COL28A1: variants seen among roughly 807,000 people sequenced by gnomAD.
COL28A1 encodes collagen type XXVIII alpha 1 chain, also known as collagen alpha-1(XXVIII) chain.
A neutral mutation model predicts 150.2 loss-of-function variants in COL28A1; 161 were observed. The observed-to-expected ratio is 1.07, with a 90% confidence interval of 0.94 to 1.22. The LOEUF is 1.22. Among genes scored for constraint, COL28A1 ranks in the 50% most tolerant of loss-of-function variants. COL28A1 has a pLI of 0.00. For missense variants in COL28A1, 1,617 were observed against 1,388.3 expected, an observed-to-expected ratio of 1.16 and a Z score of -2.62; for synonymous variants, 552 against 469.7, an observed-to-expected ratio of 1.18 and a Z score of -2.26.
chr7:7,342,204 T>C, the COL28A1 span, among the ~76,000 whole-genome samples: 1 of 152,122 alleles, frequency 6.6e-6, no homozygotes, highest in African/African-American at 2.4e-5. Context: ...CTATCTCCAA[T>C]AATGCTCTTT....
rs1335179111 is a variant in COL28A1 at position 7,448,394 on chromosome 7, C to T, written c.1510-3905G>A. On this transcript the variant is annotated intron_variant, in intron 18 of 34. Coordinates refer to ENST00000399429, the MANE Select transcript of COL28A1 (RefSeq NM_001037763.3). ...TGCAAGTGAGAAGACAATAGAACAA[C>T]ATCTTAAAAGTACTAAAAGGAAGAA... Among the ~76,000 whole-genome samples the T allele has an allele frequency of 2.6e-5, 4 of 151,880 alleles. 1 individual carries two copies. In the South Asian group the frequency reaches 6.2e-4, roughly 24 times the overall value.
At chr7:7,473,838 A>G (rs978676778) in intron 15 of COL28A1, among the ~76,000 whole-genome samples, 3 of 151,506 alleles carry the variant, frequency 2.0e-5, no homozygotes, top group African/African-American at 7.3e-5. Flanking sequence ...TATATATTAC[A>G]GTGTGTGTGT....
At chr7:7,521,125 C>T (rs574019836) in intron 5 of COL28A1, among the ~76,000 whole-genome samples, 68 of 152,268 alleles carry the variant, frequency 4.5e-4, no homozygotes, top group African/African-American at 1.6e-3. Context: ...TGAGATTCTC[C>T]ATAGGGCTTC....
intron 15 of COL28A1, among the ~76,000 whole-genome samples, chr7:7,471,910 GA>G (rs1358725115): frequency 1.3e-5 from 2 of 152,026 alleles, no homozygotes; most frequent in East Asian, 3.9e-4. Flanking sequence ...AACAAAACAA[GA>G]AACAAAAATC....
the COL28A1 span, among the ~76,000 whole-genome samples, chr7:7,340,057 C>T: frequency 6.6e-6 from 1 of 150,614 alleles, no homozygotes; most frequent in Non-Finnish European, 1.5e-5. Flanking sequence ...ATGGTGTGAT[C>T]TCGGCTCACT....
intron 11 of COL28A1, among the ~76,000 whole-genome samples, chr7:7,493,183 T>A (rs1306864060): frequency 6.6e-6 from 1 of 151,892 alleles, no homozygotes; most frequent in African/African-American, 2.4e-5. Context: ...TCATTTTTTA[T>A]CCCTTCTATA....
intron 15 of COL28A1, among the ~76,000 whole-genome samples, chr7:7,471,262 C>G (rs907306160): frequency 6.6e-6 from 1 of 151,682 alleles, no homozygotes; most frequent in Admixed American, 6.6e-5. Context: ...ATGTCCAGGA[C>G]TAGACGGATT....
At chr7:7,471,538 A>G (rs1045514715) in intron 15 of COL28A1, among the ~76,000 whole-genome samples, 1 of 152,230 alleles carries the variant, frequency 6.6e-6, no homozygotes, top group Admixed American at 6.5e-5. Context: ...AATGGGTTTC[A>G]TAACAGGGAT....
In COL28A1 at chr7:7,517,834, T is replaced by G; in HGVS notation, c.817A>C (p.Asn273His). The G allele has an allele frequency of 6.2e-7, 1 of 1,613,788 alleles. No homozygotes were observed. The highest frequency in any genetic ancestry group is 1.3e-5 in the African/African-American group (1 of 75,022). Residue 273 changes from asparagine to histidine, a missense_variant, in exon 7 of 35, where the codon AAC becomes CAC. By Grantham distance (68) the Asn-to-His change is moderately conservative. Coordinates refer to ENST00000399429, the MANE Select transcript of COL28A1 (RefSeq NM_001037763.3). ...GERGPKGNPG[N>H]AQKGEAGERG... The stretch of plus-strand genomic sequence containing the variant: ...TCTCCAGCTTCTCCTTTTTGAGCGT[T>G]GCCCTGTGACAAACAAAAAACAGTA...
Position 7,507,127 on chromosome 7 carries a change from C to G in COL28A1, c.962G>C (p.Arg321Thr). Residue 321 changes from arginine to threonine, a missense_variant, in exon 10 of 35, where the codon AGA (arginine) becomes ACA (threonine). Transcript: ENST00000399429. Reference sequence around the variant, plus strand: ...TTTTAACCCCCTTACCTGAATTCCTCTGGGTCCCTTTGGTCCATATGGCCC... The same window carrying G: ...TTTTAACCCCCTTACCTGAATTCCTGTGGGTCCCTTTGGTCCATATGGCCC... The part of the protein sequence containing the change: ...SPGPYGPKGP[R>T]GIQGITGPPG... The G allele has an allele frequency of 3.9e-6, 5 of 1,285,738 alleles. No individual in the cohort carries two copies. Among genetic ancestry groups the G allele is most frequent in the Non-Finnish European group, 5.7e-6 (5 of 881,546 alleles). The allele number at this position is 1,285,738 out of a possible 1,614,324, so 79.6% of individuals were successfully genotyped here. A position where few individuals can be genotyped will look rare whatever the true frequency, so the allele number is the denominator to read the frequency against.
At chr7:7,510,179 C>T (rs1016959772) in intron 9 of COL28A1, among the ~76,000 whole-genome samples, 3 of 152,008 alleles carry the variant, frequency 2.0e-5, no homozygotes, top group African/African-American at 7.3e-5. Context: ...TTTTTGGACC[C>T]TTTAACATCA....
chr7:7,437,271 G>T, intron 22 of COL28A1, 123 bp downstream of exon 22: 2 of 1,407,874 alleles, frequency 1.4e-6, no homozygotes. Flanking sequence ...AAGTTTCAGA[G>T]TTAAACGGAA....
At chr7:7,511,185 C>T in intron 8 of COL28A1, 50 bp from the exon 9 acceptor site, 1 of 1,371,654 alleles carries the variant, frequency 7.3e-7, no homozygotes, top group Non-Finnish European at 1.0e-6. Context: ...CAGTCATTCA[C>T]TATTAAGAAT....
intron 27 of COL28A1, among the ~76,000 whole-genome samples, chr7:7,382,456 A>C (rs949267615): frequency 3.9e-5 from 6 of 152,168 alleles, no homozygotes; most frequent in African/African-American, 7.2e-5. Flanking sequence ...AGCAACATTC[A>C]GGACTTGTTT....
chr7:7,372,439 A>AAATAAATAAATG (rs1781284700), intron 32 of COL28A1, among the ~76,000 whole-genome samples: 2 of 146,982 alleles, frequency 1.4e-5, no homozygotes, highest in Non-Finnish European at 2.9e-5. Context: ...ATAAATAAAT[A>AAATAAATAAATG]AATGGTTGTT....
chr7:7,410,654 TA>T (rs35890839), intron 27 of COL28A1, among the ~76,000 whole-genome samples: 44,565 of 150,666 alleles, frequency 0.3, 6,921 homozygotes, highest in African/African-American at 0.41. Flanking sequence ...TTTTTTTTTT[TA>T]AATGCTGTTG....
chr7:7,499,622 G>A (rs1055810173), intron 11 of COL28A1, among the ~76,000 whole-genome samples: 4 of 152,118 alleles, frequency 2.6e-5, no homozygotes, highest in South Asian at 2.1e-4. Flanking sequence ...GTGGTTGAAA[G>A]CAACATCATG....
At chr7:7,446,847 G>T (rs1022871249) in intron 18 of COL28A1, among the ~76,000 whole-genome samples, 1 of 152,188 alleles carries the variant, frequency 6.6e-6, no homozygotes, top group Non-Finnish European at 1.5e-5. Context: ...GGTATCAAAA[G>T]TTCACAGAGT....
At chr7:7,366,017 A>G (rs1331468964) in intron 33 of COL28A1, among the ~76,000 whole-genome samples, 1 of 152,188 alleles carries the variant, frequency 6.6e-6, no homozygotes, top group Admixed American at 6.5e-5. Context: ...AAAGGGTGTA[A>G]TGCAGGATTT....
Sources: gnomAD v4.1 joint callset for allele counts (sites outside exome capture counted in the v4.1 genomes callset) on GRCh38, gnomAD v4.1.1 for gene constraint, MANE v1.5 for transcripts, NCBI Gene and HGNC (gene_info 2026-07-23, HGNC 2026-07-21) for gene names.